ZNF385B: variants seen among roughly 807,000 people sequenced by gnomAD.
The protein encoded by ZNF385B is zinc finger protein 533.
A neutral mutation model predicts 39.2 loss-of-function variants in ZNF385B; 23 were observed. The observed-to-expected ratio is 0.59, with a 90% CI of 0.42 to 0.83. ZNF385B has a LOEUF of 0.83. Among genes scored for constraint, ZNF385B ranks in the 40% least tolerant of loss-of-function variants. The pLI is 0.00. For synonymous variants in ZNF385B, 205 were observed against 222.6 expected (o/e 0.92, Z 0.70); for missense variants, 552 against 598.9 (o/e 0.92, Z 0.82).
At chr2:179,675,793 T>C (rs950584307) in intron 3 of ZNF385B, among the ~76,000 whole-genome samples, 13 of 508 alleles carry the variant, frequency 0.026, no homozygotes, top group Admixed American at 0.056. Flanking sequence ...TGACAGTAAT[T>C]TTTTTTTTTT....
At chr2:179,834,192 T>C (rs1429307688) in intron 1 of ZNF385B, among the ~76,000 whole-genome samples, 1 of 152,152 alleles carries the variant, frequency 6.6e-6, no homozygotes, top group Non-Finnish European at 1.5e-5. Flanking sequence ...ACCCCCATCC[T>C]GGAAGCAATA....
At chr2:179,702,958 C>T (rs1362637048) in intron 3 of ZNF385B, among the ~76,000 whole-genome samples, 1 of 152,232 alleles carries the variant, frequency 6.6e-6, no homozygotes, top group Non-Finnish European at 1.5e-5. Context: ...ACTCTCACTG[C>T]CACCATCTTG....
chr2:179,524,146 A>G (rs1452845544), intron 4 of ZNF385B, among the ~76,000 whole-genome samples: 1 of 152,142 alleles, frequency 6.6e-6, no homozygotes, highest in East Asian at 1.9e-4. Context: ...TTAACGAACT[A>G]TTTTAACCAA....
intron 6 of ZNF385B, among the ~76,000 whole-genome samples, chr2:179,450,976 C>T (rs1300365297): frequency 6.6e-6 from 1 of 151,690 alleles, no homozygotes; most frequent in Non-Finnish European, 1.5e-5. Flanking sequence ...TGGAAACCAT[C>T]ATTCTCAGCA....
rs564135145 is a variant in ZNF385B at position 179,547,199 on chromosome 2, C to T, written c.299-2230G>A. ...TTCACTTTGTTGACTGTTTTCATTG[C>T]TGTGCAGAAGCTTTGTAACTTGTGA... is the stretch of plus-strand genomic sequence containing the variant. On this transcript the variant is annotated intron_variant, in intron 3 of 9. Coordinates refer to ENST00000410066, the MANE Select transcript of ZNF385B (RefSeq NM_152520.6). Among the ~76,000 whole-genome samples the T allele has an allele frequency of 6.0e-5, 9 of 149,478 alleles. 1 individual carries two copies. Among genetic ancestry groups the T allele is most frequent in the South Asian group, 2.1e-4 (1 of 4,656 alleles).
intron 4 of ZNF385B, among the ~76,000 whole-genome samples, chr2:179,525,168 T>A (rs2058811016): frequency 1.3e-5 from 2 of 152,220 alleles, no homozygotes; most frequent in Middle Eastern, 6.8e-3. Flanking sequence ...GCCAGAATCA[T>A]GAGTGTATTG....
At chr2:179,590,859 G>C (rs1430993923) in intron 3 of ZNF385B, among the ~76,000 whole-genome samples, 3 of 152,020 alleles carry the variant, frequency 2.0e-5, no homozygotes, top group Non-Finnish European at 4.4e-5. Flanking sequence ...AGTTTCCTGA[G>C]GCTTCCCCCA....
At chr2:179,518,391 T>G (rs1399031723) in intron 5 of ZNF385B, 137 bp downstream of exon 5, 4 of 633,608 alleles carry the variant, frequency 6.3e-6, no homozygotes, top group Non-Finnish European at 1.1e-5. Flanking sequence ...CCTTTGGAAA[T>G]CTGGCATCCT....
At chr2:179,562,665 T>G (rs1020058430) in intron 3 of ZNF385B, 5 of 852,126 alleles carry the variant, frequency 5.9e-6, no homozygotes, top group Non-Finnish European at 7.1e-6. Context: ...AAATATATCC[T>G]AAAAGACTGA....
chr2:179,485,987 G>T (rs958100054), intron 5 of ZNF385B, among the ~76,000 whole-genome samples: 6 of 151,902 alleles, frequency 3.9e-5, no homozygotes, highest in African/African-American at 1.2e-4. Context: ...TTTGCTCAAG[G>T]ACTTCTCATG....
At chr2:179,514,693 G>A (rs1185220039) in intron 5 of ZNF385B, among the ~76,000 whole-genome samples, 25 of 151,500 alleles carry the variant, frequency 1.7e-4, no homozygotes, top group Admixed American at 1.6e-3. Flanking sequence ...ATAAAGATAT[G>A]CAAAAAAATT....
intron 5 of ZNF385B, among the ~76,000 whole-genome samples, chr2:179,491,857 C>T (rs1161492550): frequency 6.6e-6 from 1 of 151,954 alleles, no homozygotes; most frequent in Non-Finnish European, 1.5e-5. Context: ...TGCCACCATT[C>T]CTGGCTATTT....
intron 3 of ZNF385B, among the ~76,000 whole-genome samples, chr2:179,642,092 T>A (rs1043035124): frequency 6.6e-6 from 1 of 152,150 alleles, no homozygotes; most frequent in Non-Finnish European, 1.5e-5. Flanking sequence ...TTCAGAGATA[T>A]TGAAAACTTT....
chr2:179,760,317 C>T (rs1475981214), intron 3 of ZNF385B, among the ~76,000 whole-genome samples: 1 of 151,096 alleles, frequency 6.6e-6, no homozygotes, highest in Non-Finnish European at 1.5e-5. Context: ...AGTTTTGTAC[C>T]CATATCTACT....
intron 1 of ZNF385B, among the ~76,000 whole-genome samples, chr2:179,785,772 G>A (rs1704959905): frequency 6.6e-6 from 1 of 152,172 alleles, no homozygotes; most frequent in Non-Finnish European, 1.5e-5. Context: ...GGTTTCTTGA[G>A]ATGGAATCTT....
intron 1 of ZNF385B, among the ~76,000 whole-genome samples, chr2:179,804,068 C>T (rs1375485624): frequency 1.3e-5 from 2 of 152,166 alleles, no homozygotes; most frequent in Non-Finnish European, 2.9e-5. Context: ...TATCCCTGTT[C>T]TGCTTATCAT....
intron 3 of ZNF385B, among the ~76,000 whole-genome samples, chr2:179,655,381 G>T (rs556287001): frequency 5.9e-5 from 9 of 152,048 alleles, no homozygotes; most frequent in Admixed American, 5.2e-4. Flanking sequence ...TATCAAAGTT[G>T]CTCATTTATG....
intron 3 of ZNF385B, among the ~76,000 whole-genome samples, chr2:179,644,773 C>T (rs1692569005): frequency 6.6e-6 from 1 of 152,168 alleles, no homozygotes. Context: ...CAGACTCCAT[C>T]ACTTGCTGTG....
chr2:179,605,091 G>C (rs747720410), intron 3 of ZNF385B, among the ~76,000 whole-genome samples: 3 of 152,074 alleles, frequency 2.0e-5, no homozygotes, highest in Non-Finnish European at 4.4e-5. Context: ...ATGCCTGAGA[G>C]AGACATGTTT....
Sources: allele counts gnomAD v4.1 joint callset (sites outside exome capture counted in the v4.1 genomes callset), GRCh38; gene constraint gnomAD v4.1.1; transcripts MANE v1.5; gene names NCBI Gene and HGNC (gene_info 2026-07-23, HGNC 2026-07-21).